Variants in PACSIN2 observed in about 807,000 individuals in gnomAD.
PACSIN2 encodes the protein protein kinase C and casein kinase substrate in neurons protein 2.
In PACSIN2, 25 loss-of-function variants were observed where a neutral mutation model predicts 63.8. That is an observed-to-expected ratio of 0.39 (90% CI 0.29 to 0.55). The LOEUF (loss-of-function observed/expected upper bound fraction) is 0.55. PACSIN2 is among the 20% of genes least tolerant of loss of function. PACSIN2 has a pLI of 0.62. For synonymous variants in PACSIN2, 255 were observed against 256.2 expected (o/e 1.00, Z 0.05); for missense variants, 518 against 646.9 (o/e 0.80, Z 2.16).
rs185022290 is a variant in PACSIN2 at position 43,011,606 on chromosome 22, T to C, written c.-78+3415A>G. The stretch of plus-strand genomic sequence containing the variant: ...TAACACAGCACAGACTTTCAAGGTA[T>C]AGAGAAGAAACAAAAGGCAAGGACA... On this transcript the variant is annotated intron_variant, in intron 1 of 10. Coordinates refer to ENST00000263246, the MANE Select transcript of PACSIN2 (RefSeq NM_001184970.3). 3.2e-3 allele frequency among the ~76,000 whole-genome samples: 484 copies of C among 152,296 alleles called. 3 individuals are homozygous for C. The highest frequency in any genetic ancestry group is 0.011 in the African/African-American group (475 of 41,552).
At chr22:43,002,995 C>G (rs1263473017) in intron 1 of PACSIN2, among the ~76,000 whole-genome samples, 2 of 152,250 alleles carry the variant, frequency 1.3e-5, no homozygotes, top group Non-Finnish European at 2.9e-5. Flanking sequence ...CATCTACAAA[C>G]TGGATGGCCT....
chr22:42,895,521 CACTGGTT>C (rs1177306672), intron 2 of PACSIN2, among the ~76,000 whole-genome samples: 1 of 152,166 alleles, frequency 6.6e-6, no homozygotes, highest in South Asian at 2.1e-4. Flanking sequence ...TTTTCAGAAC[CACTGGTT>C]AAAGGTTTAG....
In PACSIN2 at chr22:42,876,699, G is replaced by A. The variant is rs774287031; in HGVS notation, c.1151+189C>T. ...TAAGATTGTTAGCTGTGCCCTCCCC[G>A]AGGAATGGGGGTGCCAGAGAGCCTG... On this transcript the variant is annotated intron_variant, in intron 9 of 10. Coordinates refer to ENST00000263246, the MANE Select transcript of PACSIN2 (RefSeq NM_001184970.3). Among the ~76,000 whole-genome samples the A allele has an allele frequency of 1.7e-3, 260 of 152,346 alleles. 2 individuals are homozygous for A. The highest frequency in any genetic ancestry group is 1.9e-3 in the Non-Finnish European group (129 of 68,032).
At chr22:42,975,777 T>C (rs567856896) in intron 1 of PACSIN2, among the ~76,000 whole-genome samples, 6 of 152,120 alleles carry the variant, frequency 3.9e-5, no homozygotes, top group Non-Finnish European at 8.8e-5. Flanking sequence ...AGCTAGGAGG[T>C]TGGCTCCCAG....
intron 1 of PACSIN2, among the ~76,000 whole-genome samples, chr22:42,933,389 G>A (rs1932822617): frequency 6.6e-6 from 1 of 152,154 alleles, no homozygotes; most frequent in African/African-American, 2.4e-5. Context: ...GTTTTTCTCT[G>A]GACTGCAGAT....
chr22:42,976,824 G>A (rs981510281), intron 1 of PACSIN2, among the ~76,000 whole-genome samples: 14 of 152,160 alleles, frequency 9.2e-5, no homozygotes, highest in African/African-American at 3.4e-4. Flanking sequence ...TATAGATGAG[G>A]AGACTGAAGC....
At chr22:42,970,538 C>T (rs540126653) in intron 1 of PACSIN2, among the ~76,000 whole-genome samples, 3 of 152,160 alleles carry the variant, frequency 2.0e-5, no homozygotes, top group Admixed American at 2.0e-4. Flanking sequence ...TAGACAGGAA[C>T]TCTATTAGTT....
chr22:43,014,378 C>CAGAG (rs1434772548), intron 1 of PACSIN2, among the ~76,000 whole-genome samples: 4 of 134,826 alleles, frequency 3.0e-5, no homozygotes, highest in Non-Finnish European at 4.8e-5. Flanking sequence ...CCCCCCCCCC[C>CAGAG]CCGGGACACG....
intron 6 of PACSIN2, among the ~76,000 whole-genome samples, chr22:42,883,166 T>A (rs1302003191): frequency 6.6e-6 from 1 of 151,978 alleles, no homozygotes; most frequent in Non-Finnish European, 1.5e-5. Context: ...TGGGAGTCAC[T>A]CCACATGCAG....
chr22:42,907,853 T>C (rs1272998537), intron 2 of PACSIN2, among the ~76,000 whole-genome samples: 1 of 152,168 alleles, frequency 6.6e-6, no homozygotes, highest in African/African-American at 2.4e-5. Flanking sequence ...TATGGAAGGA[T>C]GGGGAAAGTA....
chr22:42,972,768 C>T (rs1383589917), intron 1 of PACSIN2, among the ~76,000 whole-genome samples: 5 of 152,040 alleles, frequency 3.3e-5, no homozygotes, highest in Non-Finnish European at 7.4e-5. Flanking sequence ...TCTTATGTTG[C>T]CCAGGCTGGA....
intron 1 of PACSIN2, among the ~76,000 whole-genome samples, chr22:43,006,566 G>A (rs1924102987): frequency 6.6e-6 from 1 of 152,188 alleles, no homozygotes; most frequent in South Asian, 2.1e-4. Flanking sequence ...TGAAATCCCA[G>A]CACTTTGGGA....
At chr22:42,885,077 C>A (rs556462975) in intron 5 of PACSIN2, among the ~76,000 whole-genome samples, 1 of 152,212 alleles carries the variant, frequency 6.6e-6, no homozygotes, top group East Asian at 1.9e-4. Flanking sequence ...GTCTTTCAGC[C>A]CACTCCATCC....
intron 5 of PACSIN2, among the ~76,000 whole-genome samples, chr22:42,885,704 G>C (rs1044092908): frequency 1.3e-5 from 2 of 152,136 alleles, no homozygotes; most frequent in South Asian, 4.1e-4. Context: ...CCCCAGCCTC[G>C]TGAGACCAGG....
chr22:42,977,143 A>G (rs1233700605), intron 1 of PACSIN2, among the ~76,000 whole-genome samples: 3 of 152,216 alleles, frequency 2.0e-5, no homozygotes, highest in Non-Finnish European at 2.9e-5. Context: ...CATTTAGACC[A>G]TGGATGGAAG....
intron 1 of PACSIN2, among the ~76,000 whole-genome samples, chr22:42,956,080 T>C (rs1322312390): frequency 6.6e-6 from 1 of 152,254 alleles, no homozygotes; most frequent in Non-Finnish European, 1.5e-5. Flanking sequence ...CATTCTTCCT[T>C]GTTCTCCTTC....
chr22:42,974,487 G>A (rs923267168), intron 1 of PACSIN2, among the ~76,000 whole-genome samples: 2 of 152,110 alleles, frequency 1.3e-5, no homozygotes, highest in African/African-American at 4.8e-5. Flanking sequence ...GTGAGTAGGG[G>A]CAGAAGTACC....
At chr22:43,010,407 T>TTTTG (rs1243585757) in intron 1 of PACSIN2, among the ~76,000 whole-genome samples, 1 of 147,966 alleles carries the variant, frequency 6.8e-6, no homozygotes, top group Non-Finnish European at 1.5e-5. Flanking sequence ...TATTTTTTTT[T>TTTTG]AATTGAAAAT....
At chr22:42,981,375 G>C (rs949314225) in intron 1 of PACSIN2, among the ~76,000 whole-genome samples, 11 of 142,978 alleles carry the variant, frequency 7.7e-5, no homozygotes, top group Admixed American at 4.1e-4. Context: ...CCCCCCGCCC[G>C]ACCAGCCGCC....
Sources: allele counts gnomAD v4.1 joint callset (sites outside exome capture counted in the v4.1 genomes callset), GRCh38; gene constraint gnomAD v4.1.1; transcripts MANE v1.5; gene names NCBI Gene and HGNC (gene_info 2026-07-23, HGNC 2026-07-21).